The following NELL1 variants were observed in gnomAD, a reference collection of about 807,000 sequenced individuals.
The protein encoded by NELL1 is neural EGFL like 1.
NELL1 carries 76 observed loss-of-function variants against 107.4 expected under a neutral mutation model. That is an observed-to-expected ratio of 0.71 (90% CI 0.59 to 0.86). NELL1 has a LOEUF of 0.86. Among genes scored for constraint, NELL1 ranks in the 40% least tolerant of loss-of-function variants. The pLI is 0.00. For synonymous variants in NELL1, 353 were observed against 341.2 expected (o/e 1.03, Z -0.38); for missense variants, 1,024 against 1,005.5 (o/e 1.02, Z -0.25).
intron 2 of NELL1, among the ~76,000 whole-genome samples, chr11:20,726,193 A>T (rs78983231): frequency 1.4e-4 from 21 of 152,198 alleles, no homozygotes. Context: ...TGGGAATAGC[A>T]CTGTGATGAA....
Position 21,300,916 on chromosome 11 carries a change from C to T in NELL1, c.1550-69937C>T, listed in dbSNP as rs1470730718. ...ATCCCTCTCCCCACCCCACAACAGG[C>T]CCCAATGTGTGATGTTCCCCATCCT... On this transcript the variant is annotated intron_variant, in intron 14 of 19. Transcript: ENST00000357134. 9.2e-5 allele frequency among the ~76,000 whole-genome samples: 14 copies of T among 152,012 alleles called. No homozygotes were observed. In the East Asian group the frequency reaches 2.7e-3, roughly 29 times the overall value.
At chr11:20,990,744 G>A (rs985730499) in intron 12 of NELL1, among the ~76,000 whole-genome samples, 1 of 152,194 alleles carries the variant, frequency 6.6e-6, no homozygotes, top group Admixed American at 6.5e-5. Context: ...GAGTTGTAAT[G>A]ATTTAGATAG....
intron 12 of NELL1, among the ~76,000 whole-genome samples, chr11:21,003,708 A>G: frequency 6.6e-6 from 1 of 152,138 alleles, no homozygotes. Context: ...GTTGGATCCA[A>G]GGTCCTCCTC....
At chr11:21,451,993 T>C (rs1853599748) in intron 15 of NELL1, among the ~76,000 whole-genome samples, 1 of 152,186 alleles carries the variant, frequency 6.6e-6, no homozygotes, top group East Asian at 1.9e-4. Context: ...CAAAATATTG[T>C]TTTAAATTTC....
intron 3 of NELL1, among the ~76,000 whole-genome samples, chr11:20,787,230 G>A (rs1463053844): frequency 1.3e-5 from 2 of 151,832 alleles, no homozygotes; most frequent in Non-Finnish European, 2.9e-5. Flanking sequence ...GAAAGACTGT[G>A]GATTTGTAAT....
intron 14 of NELL1, among the ~76,000 whole-genome samples, chr11:21,354,326 G>T (rs1303907936): frequency 5.9e-5 from 9 of 152,036 alleles, no homozygotes; most frequent in Non-Finnish European, 2.9e-5. Context: ...TTTATTTATT[G>T]TTTGTATTAT....
intron 2 of NELL1, among the ~76,000 whole-genome samples, chr11:20,733,570 G>A (rs1855695287): frequency 6.6e-6 from 1 of 152,118 alleles, no homozygotes; most frequent in Non-Finnish European, 1.5e-5. Flanking sequence ...AAATTCTAAT[G>A]GTAAGAGTGG....
chr11:21,432,165 T>C (rs1401618322), intron 15 of NELL1, among the ~76,000 whole-genome samples: 1 of 152,142 alleles, frequency 6.6e-6, no homozygotes, highest in Non-Finnish European at 1.5e-5. Context: ...CCTTTTTTTT[T>C]CTGTGTATCC....
At chr11:21,204,716 C>G (rs904965409) in intron 13 of NELL1, among the ~76,000 whole-genome samples, 3 of 152,044 alleles carry the variant, frequency 2.0e-5, no homozygotes, top group African/African-American at 7.2e-5. Flanking sequence ...AATTTTCAGT[C>G]TTTTTACGCT....
At chr11:20,802,868 T>C (rs529342568) in intron 3 of NELL1, among the ~76,000 whole-genome samples, 1 of 152,320 alleles carries the variant, frequency 6.6e-6, no homozygotes, top group South Asian at 2.1e-4. Context: ...ATGTATCACA[T>C]TGGTTGATTT....
chr11:21,573,793 G>T (rs564663334), intron 19 of NELL1, among the ~76,000 whole-genome samples: 1 of 151,626 alleles, frequency 6.6e-6, no homozygotes, highest in Admixed American at 6.6e-5. Flanking sequence ...GGGAAAGAGG[G>T]AGGAAGGAAG....
chr11:20,894,613 C>T (rs1383821183), intron 5 of NELL1, among the ~76,000 whole-genome samples: 1 of 152,198 alleles, frequency 6.6e-6, no homozygotes, highest in Admixed American at 6.5e-5. Flanking sequence ...AAAACACAGA[C>T]CATACCATGT....
intron 13 of NELL1, among the ~76,000 whole-genome samples, chr11:21,146,551 C>A (rs1046920859): frequency 3.9e-5 from 6 of 152,188 alleles, no homozygotes; most frequent in African/African-American, 1.4e-4. Context: ...AGAATTACTC[C>A]TACTTCTCTC....
At chr11:21,145,153 G>A (rs1217297186) in intron 13 of NELL1, among the ~76,000 whole-genome samples, 1 of 152,018 alleles carries the variant, frequency 6.6e-6, no homozygotes, top group Non-Finnish European at 1.5e-5. Flanking sequence ...ATCATTTCTT[G>A]TGTGCCAAGC....
At chr11:20,682,975 A>G (rs1447567851) in intron 2 of NELL1, among the ~76,000 whole-genome samples, 1 of 152,112 alleles carries the variant, frequency 6.6e-6, no homozygotes, top group Non-Finnish European at 1.5e-5. Context: ...AACCAATAAA[A>G]TAATTTGTGT....
chr11:20,928,608 A>G, intron 9 of NELL1, 129 bp downstream of exon 9: 2 of 732,824 alleles, frequency 2.7e-6, no homozygotes, highest in Non-Finnish European at 4.7e-6. Context: ...GTAACATTAA[A>G]TATATGGTAA....
intron 15 of NELL1, among the ~76,000 whole-genome samples, chr11:21,399,670 C>G (rs144550016): frequency 1.9e-3 from 294 of 151,828 alleles, no homozygotes; most frequent in African/African-American, 6.9e-3. Context: ...CAAAGAGAGA[C>G]TAAGTAATTT....
intron 2 of NELL1, among the ~76,000 whole-genome samples, chr11:20,685,108 C>T (rs924608195): frequency 6.6e-6 from 1 of 151,942 alleles, no homozygotes; most frequent in Non-Finnish European, 1.5e-5. Context: ...TCTCCCCAGA[C>T]TTCAGCTTTC....
intron 14 of NELL1, among the ~76,000 whole-genome samples, chr11:21,302,341 A>G (rs768064696): frequency 6.6e-6 from 1 of 152,042 alleles, no homozygotes; most frequent in East Asian, 1.9e-4. Flanking sequence ...CTAAACCACC[A>G]TTATGTTAGA....
Sources: allele counts gnomAD v4.1 joint callset (sites outside exome capture counted in the v4.1 genomes callset), GRCh38; gene constraint gnomAD v4.1.1; transcripts MANE v1.5; gene names NCBI Gene and HGNC (gene_info 2026-07-23, HGNC 2026-07-21).